The following CALN1 variants were observed in gnomAD, a reference collection of about 807,000 sequenced individuals.
CALN1 encodes the protein calneuron 1.
Under a neutral mutation model 30.6 loss-of-function variants are expected in CALN1, and 17 were observed. That is an observed-to-expected ratio of 0.56 (90% CI 0.38 to 0.83). CALN1 has a LOEUF of 0.83. Ranked by LOEUF, CALN1 falls within the 40% of genes least tolerant of loss-of-function variation. The pLI, the probability that CALN1 is intolerant of heterozygous loss-of-function variation, is 0.00. For missense variants in CALN1, 291 were observed against 354.9 expected (o/e 0.82, Z 1.45); for synonymous variants, 156 against 131.4 (o/e 1.19, Z -1.28).
At chr7:72,093,329 T>C (rs1272693167) in intron 4 of CALN1, among the ~76,000 whole-genome samples, 4 of 152,320 alleles carry the variant, frequency 2.6e-5, no homozygotes, top group South Asian at 2.1e-4. Flanking sequence ...ATATTTCACA[T>C]AGAATCTCAC....
At chr7:72,240,192 CTTTT>C (rs57111533) in intron 3 of CALN1, among the ~76,000 whole-genome samples, 4 of 140,680 alleles carry the variant, frequency 2.8e-5, no homozygotes, top group Non-Finnish European at 4.7e-5. Flanking sequence ...GGGGAAATTT[CTTTT>C]TTTTTTTTTT....
At chr7:72,419,551 G>A (rs997728871) in intron 1 of CALN1, among the ~76,000 whole-genome samples, 9 of 152,044 alleles carry the variant, frequency 5.9e-5, no homozygotes, top group Admixed American at 5.2e-4. Context: ...TCTCCCAGTT[G>A]GCCTTAGAGT....
intron 4 of CALN1, among the ~76,000 whole-genome samples, chr7:72,027,450 C>T (rs1801136820): frequency 6.6e-6 from 1 of 152,108 alleles, no homozygotes; most frequent in East Asian, 1.9e-4. Flanking sequence ...GTGGCTCATG[C>T]CTGTAATCCT....
At chr7:71,804,626 C>T (rs1262423807) in intron 6 of CALN1, among the ~76,000 whole-genome samples, 1 of 152,146 alleles carries the variant, frequency 6.6e-6, no homozygotes, top group Non-Finnish European at 1.5e-5. Flanking sequence ...CGAGATCAGC[C>T]TGGACAACAT....
intron 5 of CALN1, among the ~76,000 whole-genome samples, chr7:71,930,418 T>C (rs569465239): frequency 2.6e-5 from 4 of 151,872 alleles, no homozygotes; most frequent in Admixed American, 6.5e-5. Flanking sequence ...TTTCTGTATG[T>C]TGTCTTTCTA....
At chr7:71,820,614 G>T (rs1193871486) in intron 5 of CALN1, among the ~76,000 whole-genome samples, 1 of 152,172 alleles carries the variant, frequency 6.6e-6, no homozygotes, top group African/African-American at 2.4e-5. Flanking sequence ...TCCAGTCACT[G>T]CTTTTAACTC....
At chr7:72,103,818 G>A (rs566655338) in intron 4 of CALN1, among the ~76,000 whole-genome samples, 53 of 152,144 alleles carry the variant, frequency 3.5e-4, no homozygotes, top group African/African-American at 1.1e-3. Context: ...CAATGGGAAC[G>A]TCCAGACAGA....
In CALN1 at chr7:71,817,750, G is replaced by C. The variant is rs148698839; in HGVS notation, c.502-7258C>G. ...AGGATGGTCTCGATCTCCTGACCTT[G>C]TAATCCACCTGCCTTGGCCTCCCAA... On this transcript the variant is annotated intron_variant, in intron 5 of 6. Transcript: ENST00000395275. Among the ~76,000 whole-genome samples, 337 of 152,268 alleles carry C rather than the reference G, an allele frequency of 2.2e-3. 2 individuals carry two copies. The highest frequency in any genetic ancestry group is 7.7e-3 in the African/African-American group (322 of 41,556).
chr7:71,898,789 C>G (rs1414945480), intron 5 of CALN1, among the ~76,000 whole-genome samples: 1 of 152,068 alleles, frequency 6.6e-6, no homozygotes, highest in East Asian at 1.9e-4. Context: ...GACAGATTGC[C>G]CTCAAGAAAT....
At chr7:71,948,790 C>A (rs1258200442) in intron 5 of CALN1, among the ~76,000 whole-genome samples, 2 of 150,944 alleles carry the variant, frequency 1.3e-5, no homozygotes, top group Admixed American at 1.3e-4. Context: ...GCATGCAATC[C>A]CAATGTTTTT....
At chr7:72,390,952 C>A (rs141377444) in intron 2 of CALN1, among the ~76,000 whole-genome samples, 116 of 152,252 alleles carry the variant, frequency 7.6e-4, no homozygotes, top group African/African-American at 2.6e-3. Flanking sequence ...GGGATCCATG[C>A]ACCAAAAGTA....
At chr7:72,208,548 A>AG (rs751704394) in intron 3 of CALN1, among the ~76,000 whole-genome samples, 8 of 152,250 alleles carry the variant, frequency 5.3e-5, no homozygotes, top group Non-Finnish European at 1.2e-4. Flanking sequence ...TCATAGGCAG[A>AG]GAAAAAAAGA....
intron 4 of CALN1, among the ~76,000 whole-genome samples, chr7:72,088,583 G>A (rs1316073847): frequency 1.3e-5 from 2 of 151,072 alleles, no homozygotes; most frequent in Non-Finnish European, 2.9e-5. Flanking sequence ...CCTGTAATCC[G>A]ACCTACTCGG....
chr7:72,496,858 A>G, the CALN1 span, among the ~76,000 whole-genome samples: 1 of 152,188 alleles, frequency 6.6e-6, no homozygotes, highest in Non-Finnish European at 1.5e-5. Flanking sequence ...CAGCCTGGGC[A>G]ACAGAGCAAG....
intron 2 of CALN1, among the ~76,000 whole-genome samples, chr7:72,383,222 G>A (rs375044147): frequency 7.3e-5 from 11 of 149,970 alleles, no homozygotes; most frequent in African/African-American, 2.0e-4. Context: ...TGCAATGAAC[G>A]TAACGGTACA....
intron 2 of CALN1, among the ~76,000 whole-genome samples, chr7:72,342,751 T>C (rs1045558457): frequency 1.3e-5 from 2 of 152,206 alleles, no homozygotes; most frequent in Non-Finnish European, 2.9e-5. Flanking sequence ...TTATCTTTTT[T>C]ATTTTACCAT....
intron 2 of CALN1, among the ~76,000 whole-genome samples, chr7:72,356,254 A>C: frequency 6.7e-6 from 1 of 150,202 alleles, no homozygotes; most frequent in Admixed American, 6.6e-5. Flanking sequence ...GGTAAGGAGC[A>C]CTGGAAATAC....
chr7:72,458,277 A>T, the CALN1 span, among the ~76,000 whole-genome samples: 16 of 59,978 alleles, frequency 2.7e-4, 1 homozygote, highest in African/African-American at 1.6e-3. Context: ...TATATTATAT[A>T]ATATATTTTA....
At chr7:72,375,445 G>A (rs1804499318) in intron 2 of CALN1, among the ~76,000 whole-genome samples, 1 of 151,658 alleles carries the variant, frequency 6.6e-6, no homozygotes, top group Non-Finnish European at 1.5e-5. Flanking sequence ...CACACCTGTA[G>A]TTCCAGCTAC....
Sources: allele counts gnomAD v4.1 joint callset (sites outside exome capture counted in the v4.1 genomes callset), GRCh38; gene constraint gnomAD v4.1.1; transcripts MANE v1.5; gene names NCBI Gene and HGNC (gene_info 2026-07-23, HGNC 2026-07-21).